Variants in COX18 observed in about 807,000 individuals in gnomAD.
The protein encoded by COX18 is cytochrome c oxidase assembly factor COX18.
COX18 carries 45 observed loss-of-function variants against 38.0 expected under a neutral mutation model. The ratio of observed to expected loss-of-function variants is 1.18; its 90% CI spans 0.93 to 1.52. COX18 has a LOEUF of 1.52. COX18 is among the 40% of genes most tolerant of loss of function. COX18 has a pLI of 0.00. For synonymous variants in COX18, 177 were observed against 169.8 expected, an observed-to-expected ratio of 1.04 and a Z score of -0.33; for missense variants, 462 against 423.8, an observed-to-expected ratio of 1.09 and a Z score of -0.79.
intron 4 of COX18, among the ~76,000 whole-genome samples, chr4:73,063,472 C>T (rs1475295637): frequency 6.6e-6 from 1 of 152,208 alleles, no homozygotes; most frequent in Non-Finnish European, 1.5e-5. Flanking sequence ...CTCACTGCAG[C>T]CTCCATCTCT....
intron 5 of COX18, among the ~76,000 whole-genome samples, chr4:73,061,289 A>G (rs1456740043): frequency 1.3e-5 from 2 of 152,206 alleles, no homozygotes; most frequent in African/African-American, 2.4e-5. Flanking sequence ...AAGAAATACC[A>G]TATTCATGGT....
chr4:73,064,700 A>T, intron 4 of COX18, 78 bp downstream of exon 4: 1 of 1,538,148 alleles, frequency 6.5e-7, no homozygotes, highest in Non-Finnish European at 8.9e-7. Context: ...CAACTCAAAC[A>T]AAAACAGATT....
chr4:73,067,164 A>T (rs1345349796), intron 2 of COX18, among the ~76,000 whole-genome samples: 1 of 152,234 alleles, frequency 6.6e-6, no homozygotes, highest in African/African-American at 2.4e-5. Flanking sequence ...AAGGATAGAC[A>T]GCATCTTAGC....
chr4:73,058,131 A>G lies in COX18; in HGVS notation c.988T>C (p.Phe330Leu). The G allele has an allele frequency of 6.3e-7, 1 of 1,589,244 alleles. No individual in the cohort carries two copies. The highest frequency in any genetic ancestry group is 8.6e-7 in the Non-Finnish European group (1 of 1,167,028). The change falls in exon 6 of 6, where the codon TTC becomes CTC. Residue 330 changes from phenylalanine to leucine, a missense_variant. By Grantham distance (22) the Phe-to-Leu change is conservative (BLOSUM62 0). Transcript: ENST00000507544. ...AAAATATGTCATTTTCTTGAAATGA[A>G]CTTGGTATTAAAGGCAGCAAATATG... Reference protein sequence around the residue: ...KDIFAAFNTKFISRK With the variant: ...KDIFAAFNTKLISRK
chr4:73,068,252 C>G, intron 1 of COX18, 123 bp from the exon 2 acceptor site: 1 of 619,400 alleles, frequency 1.6e-6, no homozygotes, highest in Non-Finnish European at 2.7e-6. Flanking sequence ...ATCAAGAAAT[C>G]TTAATTCTAA....
chr4:73,068,205 T>G, intron 1 of COX18, 76 bp from the exon 2 acceptor site: 1 of 849,474 alleles, frequency 1.2e-6, no homozygotes, highest in Non-Finnish European at 1.8e-6. Context: ...TTCACATTAT[T>G]CCCTCGAGTC....
chr4:73,069,110 C>T (rs558697806), intron 1 of COX18, among the ~76,000 whole-genome samples: 1 of 152,344 alleles, frequency 6.6e-6, no homozygotes, highest in East Asian at 1.9e-4. Context: ...GACAGGTACA[C>T]GTGTCACAAA....
chr4:73,064,959 T>G, intron 3 of COX18, 57 bp from the exon 4 acceptor site: 1 of 1,530,646 alleles, frequency 6.5e-7, no homozygotes, highest in South Asian at 1.2e-5. Context: ...GAGAAAAATA[T>G]ATAAGACATA....
At chr4:73,068,272 G>A (rs1023270119) in intron 1 of COX18, 143 bp from the exon 2 acceptor site, 6 of 569,340 alleles carry the variant, frequency 1.1e-5, no homozygotes, top group Non-Finnish European at 1.8e-5. Flanking sequence ...AGCACAAGAT[G>A]TTAATTTGCT....
chr4:73,065,174 T>TC, intron 3 of COX18, 76 bp downstream of exon 3: 1 of 496,138 alleles, frequency 2.0e-6, no homozygotes, highest in African/African-American at 2.2e-5. Context: ...AAAGTATGCT[T>TC]TTTTTTTTTT....
At position 73,057,061 on chromosome 4, in the gene COX18, C is replaced by T. The variant is rs1719914961; in HGVS notation, c.*1053G>A. 1.3e-5 allele frequency: 2 copies of T among 151,928 alleles called. No homozygotes were observed. The highest frequency in any genetic ancestry group is 2.4e-5 in the African/African-American group (1 of 41,180). 9.4% of individuals were successfully genotyped at this position (151,928 alleles called of 1,614,324 possible). On this transcript the variant is annotated 3_prime_UTR_variant, in exon 6 of 6. Transcript: ENST00000507544. Reference sequence around the variant, plus strand: ...GCTTGAACACGGGAGGCAGAGGTTGCAGTGAGCCGAGATCGTGCCACTGCA... The same window carrying T: ...GCTTGAACACGGGAGGCAGAGGTTGTAGTGAGCCGAGATCGTGCCACTGCA...
chr4:73,063,562 CACCTTT>C (rs1720288448), intron 4 of COX18, among the ~76,000 whole-genome samples: 1 of 152,146 alleles, frequency 6.6e-6, no homozygotes, highest in Non-Finnish European at 1.5e-5. Flanking sequence ...GCTATGAAAA[CACCTTT>C]ATTAGTCTTT....
In COX18 at chr4:73,055,875, C is replaced by T. The variant is rs1242167014; in HGVS notation, c.*2239G>A. ...ATGTGGTTGGAAAGCACAATTGCCC[C>T]AATAGGACAGTCAGAAACCAGGACT... is the stretch of plus-strand genomic sequence containing the variant. On this transcript the variant is annotated 3_prime_UTR_variant, in exon 6 of 6. Coordinates refer to ENST00000507544, the MANE Select transcript of COX18 (RefSeq NM_001297732.2). The T allele has an allele frequency of 6.6e-6, 1 of 152,040 alleles. No individual in the cohort carries two copies. Among genetic ancestry groups the T allele is most frequent in the Non-Finnish European group, 1.5e-5 (1 of 67,996 alleles). The allele number at this position is 152,040 out of a possible 1,614,324, so 9.4% of individuals were successfully genotyped here. A position where few individuals can be genotyped will look rare whatever the true frequency, so the allele number is the denominator to read the frequency against.
chr4:73,068,113 G>C lies in COX18; in HGVS notation c.350C>G (p.Pro117Arg), dbSNP rs1370886865. 1.9e-6 allele frequency: 3 copies of C among 1,607,460 alleles called. No homozygotes were observed. The highest frequency in any genetic ancestry group is 2.5e-6 in the Non-Finnish European group (3 of 1,177,552). ...YILAKVENLQ[P>R]EIKTIARHLN... is the part of the protein sequence containing the mutation. ...ATGCCTGGCAATAGTTTTTATTTCT[G>C]GCTGCAAATTTTCCACCTAGCTAAA... The change falls in exon 2 of 6, where the codon CCA (proline) becomes CGA (arginine). Residue 117 changes from proline to arginine, a missense_variant. Physicochemically the swap from Pro to Arg is moderately radical, Grantham distance 103. Transcript: ENST00000507544.
rs1445817348 is a variant in COX18 at position 73,069,643 on chromosome 4, A to G, written c.7T>C (p.Cys3Arg). ...CGCAGCCACCGACCGCCGAGCCGGCACAGCATTTCTGCACCACGGCGGAGC... is the reference window on the plus strand; with the variant it reads ...CGCAGCCACCGACCGCCGAGCCGGCGCAGCATTTCTGCACCACGGCGGAGC... ML[C>R]RLGGRWLRPL... The change falls in exon 1 of 6, where the codon TGC becomes CGC. Residue 3 changes from cysteine (C) to arginine (R), a missense_variant. Transcript: ENST00000507544. 1.3e-6 allele frequency: 2 copies of G among 1,549,106 alleles called. No homozygotes were observed. Among genetic ancestry groups the G allele is most frequent in the East Asian group, 2.4e-5 (1 of 42,128 alleles).
chr4:73,068,989 G>A (rs1445777636), intron 1 of COX18, among the ~76,000 whole-genome samples: 1 of 152,166 alleles, frequency 6.6e-6, no homozygotes, highest in Non-Finnish European at 1.5e-5. Flanking sequence ...AAATTTTGTA[G>A]GTTTCGCCAA....
At chr4:73,059,849 C>T (rs967220217) in intron 5 of COX18, among the ~76,000 whole-genome samples, 3 of 152,036 alleles carry the variant, frequency 2.0e-5, no homozygotes, top group Non-Finnish European at 2.9e-5. Flanking sequence ...AGCTAAGTAT[C>T]AATCTCCCCT....
chr4:73,067,864 A>AATATAT (rs1377330345), intron 2 of COX18, among the ~76,000 whole-genome samples, 165 bp downstream of exon 2: 39 of 20,012 alleles, frequency 1.9e-3, no homozygotes, highest in Admixed American at 4.7e-3. Flanking sequence ...AAAAAAAAAA[A>AATATAT]ATATATATAT....
intron 5 of COX18, among the ~76,000 whole-genome samples, chr4:73,060,655 T>A (rs1206918790): frequency 6.6e-6 from 1 of 151,424 alleles, no homozygotes; most frequent in Non-Finnish European, 1.5e-5. Context: ...CCGAGGCGGG[T>A]GGATCACCTG....
Sources: allele counts gnomAD v4.1 joint callset (sites outside exome capture counted in the v4.1 genomes callset), GRCh38; gene constraint gnomAD v4.1.1; transcripts MANE v1.5; gene names NCBI Gene and HGNC (gene_info 2026-07-23, HGNC 2026-07-21).